The following HAO1 variants were observed in gnomAD, a reference collection of about 807,000 sequenced individuals.
HAO1 encodes 2-Hydroxyacid oxidase 1.
A neutral mutation model predicts 39.7 loss-of-function variants in HAO1; 34 were observed. That is an observed-to-expected ratio of 0.86 (90% confidence interval 0.65 to 1.14). The LOEUF (loss-of-function observed/expected upper bound fraction) is 1.14, where lower values mean the gene tolerates loss of function less well. Among genes scored for constraint, HAO1 ranks in the 50% most tolerant of loss-of-function variants. HAO1 has a pLI of 0.00. For synonymous variants in HAO1, 172 were observed against 173.2 expected, an observed-to-expected ratio of 0.99 and a Z score of 0.05; for missense variants, 479 against 464.5, an observed-to-expected ratio of 1.03 and a Z score of -0.29.
At chr20:7,891,675 G>A (rs1211248101) in intron 5 of HAO1, among the ~76,000 whole-genome samples, 1 of 152,070 alleles carries the variant, frequency 6.6e-6, no homozygotes, top group African/African-American at 2.4e-5. Context: ...ATAGCTTCAA[G>A]TCTTAGGTTC....
chr20:7,910,779 T>G lies in HAO1; in HGVS notation c.545+3385A>C, dbSNP rs183384875. Among the ~76,000 whole-genome samples the G allele has an allele frequency of 5.7e-3, 866 of 152,314 alleles. 7 individuals are homozygous for G. Among genetic ancestry groups the G allele is most frequent in the South Asian group, 0.025 (123 of 4,824 alleles). The stretch of plus-strand genomic sequence containing the variant: ...CGGGATTCACTCATGGACACCTTTA[T>G]CCTGCCATACTTATCAATGTGAATG... On this transcript the variant is annotated intron_variant, in intron 3 of 7. Coordinates refer to ENST00000378789, the MANE Select transcript of HAO1 (RefSeq NM_017545.3).
At chr20:7,934,861 T>C (rs1057484858) in intron 1 of HAO1, among the ~76,000 whole-genome samples, 2 of 152,234 alleles carry the variant, frequency 1.3e-5, no homozygotes, top group Non-Finnish European at 2.9e-5. Context: ...TATTAAAGTA[T>C]AACTAATACA....
chr20:7,903,173 T>C (rs1162560539), intron 4 of HAO1, among the ~76,000 whole-genome samples: 1 of 152,200 alleles, frequency 6.6e-6, no homozygotes, highest in Non-Finnish European at 1.5e-5. Context: ...GTCATAGAGA[T>C]GATTCTTGTT....
intron 2 of HAO1, among the ~76,000 whole-genome samples, chr20:7,917,368 A>C (rs1484252095): frequency 6.6e-6 from 1 of 151,088 alleles, no homozygotes; most frequent in Non-Finnish European, 1.5e-5. Context: ...AAAGTCCTGA[A>C]GAGGATGTTA....
intron 2 of HAO1, 71 bp from the exon 3 acceptor site, chr20:7,914,490 G>C: frequency 6.5e-7 from 1 of 1,541,610 alleles, no homozygotes; most frequent in African/African-American, 1.4e-5. Flanking sequence ...AATTGTAGTT[G>C]GATGAGTAAA....
chr20:7,933,386 G>C (rs930689066), intron 2 of HAO1, among the ~76,000 whole-genome samples: 1 of 152,106 alleles, frequency 6.6e-6, no homozygotes, highest in Non-Finnish European at 1.5e-5. Context: ...TTTCAAGCCT[G>C]AAAGGGCCTT....
At chr20:7,908,164 C>T (rs576380090) in intron 3 of HAO1, among the ~76,000 whole-genome samples, 8 of 152,046 alleles carry the variant, frequency 5.3e-5, no homozygotes, top group Non-Finnish European at 1.2e-4. Flanking sequence ...CCGAGGTGGG[C>T]AGATCACCTG....
chr20:7,899,261 C>T (rs1345795324), intron 4 of HAO1, among the ~76,000 whole-genome samples: 1 of 151,694 alleles, frequency 6.6e-6, no homozygotes, highest in African/African-American at 2.4e-5. Context: ...GATAGAGATC[C>T]ACATATGATT....
At chr20:7,918,654 C>A (rs975835967) in intron 2 of HAO1, among the ~76,000 whole-genome samples, 1 of 152,188 alleles carries the variant, frequency 6.6e-6, no homozygotes, top group African/African-American at 2.4e-5. Flanking sequence ...TAGAGACCAG[C>A]AGCTGAGTAT....
At chr20:7,928,840 A>G (rs2050373167) in intron 2 of HAO1, among the ~76,000 whole-genome samples, 1 of 152,180 alleles carries the variant, frequency 6.6e-6, no homozygotes, top group Admixed American at 6.5e-5. Context: ...TGTTGCCCCA[A>G]ACAGTGTTTT....
intron 5 of HAO1, among the ~76,000 whole-genome samples, chr20:7,888,986 C>A (rs2122749447): frequency 6.6e-6 from 1 of 152,254 alleles, no homozygotes; most frequent in South Asian, 2.1e-4. Flanking sequence ...GGCCTAGTAG[C>A]TGGCCACAGA....
intron 3 of HAO1, among the ~76,000 whole-genome samples, chr20:7,913,389 C>A (rs2050289746): frequency 6.6e-6 from 1 of 152,000 alleles, no homozygotes; most frequent in Non-Finnish European, 1.5e-5. Flanking sequence ...TATGAAAAAT[C>A]CAAGAGCACA....
At chr20:7,938,449 T>C (rs2050423960) in intron 1 of HAO1, among the ~76,000 whole-genome samples, 1 of 152,060 alleles carries the variant, frequency 6.6e-6, no homozygotes, top group South Asian at 2.1e-4. Flanking sequence ...CACTGCAAAT[T>C]CATTTTCATT....
intron 2 of HAO1, among the ~76,000 whole-genome samples, chr20:7,934,039 T>A (rs1452198798): frequency 6.6e-6 from 1 of 152,168 alleles, no homozygotes; most frequent in Non-Finnish European, 1.5e-5. Context: ...GGTTTTGAGA[T>A]AAGGTAGCCA....
chr20:7,885,566 G>A lies in HAO1; in HGVS notation c.997C>T (p.Leu333Phe). The A allele has an allele frequency of 6.2e-7, 1 of 1,611,684 alleles. No individual in the cohort carries two copies. The highest frequency in any genetic ancestry group is 8.5e-7 in the Non-Finnish European group (1 of 1,177,920). Residue 333 changes from leucine (L) to phenylalanine (F), a missense_variant, in exon 7 of 8, where the codon CTC becomes TTC. Coordinates refer to ENST00000378789, the MANE Select transcript of HAO1 (RefSeq NM_017545.3). ...FQGEKGVQDV[L>F]EILKEEFRLA... The stretch of plus-strand genomic sequence containing the variant: ...CGGAATTCTTCCTTTAGTATCTCGA[G>A]GACATCTTGAACACCTTTCTCCCCC...
chr20:7,885,775 C>T lies in HAO1; in HGVS notation c.903G>A (p.Leu301=). ...DGGVRKGTDV[L]KALALGAKAV... is the part of the protein sequence containing the mutation. ...CCTTGGCGCCAAGAGCCAGAGCTTT[C>T]AGAACATCAGTGCCTTTCCGCACAC... The change falls in exon 6 of 8, where the codon CTG becomes CTA. Residue 301 remains leucine (L), a synonymous_variant. Transcript: ENST00000378789. The T allele has an allele frequency of 6.2e-7, 1 of 1,613,684 alleles. No homozygotes were observed. The highest frequency in any genetic ancestry group is 8.5e-7 in the Non-Finnish European group (1 of 1,179,608).
At chr20:7,889,702 AAAGT>A (rs1294804037) in intron 5 of HAO1, among the ~76,000 whole-genome samples, 1 of 152,204 alleles carries the variant, frequency 6.6e-6, no homozygotes. Flanking sequence ...GCCTGGTGCA[AAAGT>A]AATTGCAGTC....
In HAO1 at chr20:7,915,307, AT is replaced by A. The variant is rs1330250389; in HGVS notation, c.290-889del. Among the ~76,000 whole-genome samples, 3 of 152,056 alleles carry A rather than the reference AT, an allele frequency of 2.0e-5. No homozygotes were observed. The East Asian group carries it at 5.8e-4, about 29-fold the overall frequency. The stretch of plus-strand genomic sequence containing the variant: ...TCATAATGTGAGTGGGTCTTATCTA[AT>A]CAGCTCAAGGCCTTAAAAATAAGTC... On this transcript the variant is annotated intron_variant, in intron 2 of 7. Transcript: ENST00000378789.
At chr20:7,884,637 G>A (rs1033664894) in intron 7 of HAO1, among the ~76,000 whole-genome samples, 3 of 152,158 alleles carry the variant, frequency 2.0e-5, no homozygotes, top group Non-Finnish European at 2.9e-5. Flanking sequence ...ATCTCACATA[G>A]TCAAGGGACA....
Sources: allele counts gnomAD v4.1 joint callset (sites outside exome capture counted in the v4.1 genomes callset), GRCh38; gene constraint gnomAD v4.1.1; transcripts MANE v1.5; gene names NCBI Gene and HGNC (gene_info 2026-07-23, HGNC 2026-07-21).